Variants in AMPH observed in about 807,000 individuals in gnomAD.
AMPH encodes the protein amphiphysin, also known as amphiphysin (Stiff-Mann syndrome with breast cancer 128kD autoantigen).
Under a neutral mutation model 99.1 loss-of-function variants are expected in AMPH, and 49 were observed. The observed-to-expected ratio is 0.49, with a 90% CI of 0.39 to 0.63. The LOEUF is 0.63. Ranked by LOEUF, AMPH falls within the 20% of genes least tolerant of loss-of-function variation. The pLI, the probability that AMPH is intolerant of heterozygous loss-of-function variation, is 0.00. For missense variants in AMPH, 759 were observed against 863.4 expected, an observed-to-expected ratio of 0.88 and a Z score of 1.52; for synonymous variants, 314 against 317.3, an observed-to-expected ratio of 0.99 and a Z score of 0.11.
intron 1 of AMPH, among the ~76,000 whole-genome samples, chr7:38,628,626 T>G (rs1184301936): frequency 2.0e-5 from 3 of 152,238 alleles, no homozygotes; most frequent in Non-Finnish European, 4.4e-5. Context: ...AAACAGGTCT[T>G]CAACTATACA....
intron 2 of AMPH, chr7:38,530,918 T>C (rs1016057294): frequency 6.6e-6 from 1 of 152,190 alleles, no homozygotes; most frequent in Non-Finnish European, 1.5e-5. Context: ...TAGCATGCAT[T>C]GTCATGGAAA....
chr7:38,598,453 C>T (rs1441909962), intron 1 of AMPH, among the ~76,000 whole-genome samples: 5 of 152,128 alleles, frequency 3.3e-5, no homozygotes, highest in Non-Finnish European at 7.4e-5. Flanking sequence ...CAGGTGCCTG[C>T]TACCATGCCT....
rs189840075 is a variant in AMPH at position 38,417,152 on chromosome 7, C to T, written c.1398+673G>A. Among the ~76,000 whole-genome samples the T allele has an allele frequency of 4.6e-3, 697 of 152,312 alleles. 3 individuals are homozygous for T. The highest frequency in any genetic ancestry group is 8.5e-3 in the South Asian group (41 of 4,824). ...GTACTCTACACTTTCATGGGTATTA[C>T]AATGTCCAATTCTACTTGGTACATA... On this transcript the variant is annotated intron_variant, in intron 17 of 20. Coordinates refer to ENST00000356264, the MANE Select transcript of AMPH (RefSeq NM_001635.4).
chr7:38,605,278 A>C (rs1213299360), intron 1 of AMPH, among the ~76,000 whole-genome samples: 1 of 152,146 alleles, frequency 6.6e-6, no homozygotes, highest in Admixed American at 6.5e-5. Flanking sequence ...AGCAAGAGGA[A>C]GAAAGGGGTT....
At chr7:38,527,532 G>T (rs7812192) in intron 2 of AMPH, among the ~76,000 whole-genome samples, 93,064 of 152,008 alleles carry the variant, frequency 0.61, 29,063 homozygotes, top group African/African-American at 0.74. Context: ...TTTTAATTTT[G>T]ATTTCCACAT....
chr7:38,629,508 C>G (rs1309338185), intron 1 of AMPH, among the ~76,000 whole-genome samples: 1 of 150,468 alleles, frequency 6.6e-6, no homozygotes, highest in African/African-American at 2.4e-5. Context: ...TGAGTTTTGA[C>G]AATTCACAGG....
At chr7:38,621,788 T>C (rs916942706) in intron 1 of AMPH, among the ~76,000 whole-genome samples, 23 of 152,196 alleles carry the variant, frequency 1.5e-4, no homozygotes, top group Admixed American at 2.6e-4. Flanking sequence ...AATTGATATA[T>C]GATTATCACA....
At position 38,570,950 on chromosome 7, in the gene AMPH, TA is replaced by T. The variant is rs1393377002; in HGVS notation, c.70-35940del. On this transcript the variant is annotated intron_variant, in intron 1 of 20. Transcript: ENST00000356264. ...ATTTATATATATATATATATTTATA[TA>T]TATAGAATATATATATAGAATATAT... Among the ~76,000 whole-genome samples the T allele has an allele frequency of 1.4e-3, 147 of 105,022 alleles. 38 individuals are homozygous for T. The highest frequency in any genetic ancestry group is 5.1e-3 in the African/African-American group (140 of 27,276). 68.9% of individuals were successfully genotyped at this position (105,022 alleles called of 152,430 possible).
At chr7:38,629,307 T>C (rs1292870514) in intron 1 of AMPH, among the ~76,000 whole-genome samples, 2 of 152,182 alleles carry the variant, frequency 1.3e-5, no homozygotes, top group African/African-American at 4.8e-5. Context: ...GAAGAGCCTA[T>C]ACTCTCAGCC....
chr7:38,390,624 C>A (rs1784460091), intron 19 of AMPH, among the ~76,000 whole-genome samples: 1 of 152,140 alleles, frequency 6.6e-6, no homozygotes, highest in Non-Finnish European at 1.5e-5. Context: ...CATAGAATCA[C>A]AAGCTGTCAG....
chr7:38,561,340 G>T (rs1350118899), intron 1 of AMPH, among the ~76,000 whole-genome samples: 2 of 152,240 alleles, frequency 1.3e-5, no homozygotes, highest in East Asian at 3.8e-4. Flanking sequence ...AGGTTAGACT[G>T]CTAGCCCTGT....
chr7:38,540,085 C>T (rs1245119699), intron 1 of AMPH, among the ~76,000 whole-genome samples: 1 of 152,140 alleles, frequency 6.6e-6, no homozygotes, highest in Non-Finnish European at 1.5e-5. Flanking sequence ...AGGAGGATTA[C>T]TATGTATTTA....
intron 15 of AMPH, among the ~76,000 whole-genome samples, chr7:38,423,201 C>G (rs756094108): frequency 5.3e-5 from 8 of 152,060 alleles, no homozygotes; most frequent in Non-Finnish European, 1.2e-4. Context: ...CTTAAGTGTT[C>G]CTTCTATGGG....
intron 1 of AMPH, among the ~76,000 whole-genome samples, chr7:38,550,837 A>C (rs1313573608): frequency 6.6e-6 from 1 of 152,208 alleles, no homozygotes; most frequent in African/African-American, 2.4e-5. Context: ...TCACAATTAG[A>C]TTTGTATAAA....
intron 1 of AMPH, among the ~76,000 whole-genome samples, chr7:38,574,637 GAAT>G (rs1792165500): frequency 6.6e-6 from 1 of 152,164 alleles, no homozygotes; most frequent in Admixed American, 6.5e-5. Context: ...ATAAATAAAA[GAAT>G]AACAGGAGTG....
chr7:38,384,831 C>T lies in AMPH; in HGVS notation c.2075G>A (p.Arg692Gln), dbSNP rs764677540. 1.7e-5 allele frequency: 27 copies of T among 1,613,808 alleles called. No homozygotes were observed. In the South Asian group the frequency reaches 2.5e-4, roughly 15 times the overall value. Residue 692 changes from arginine to glutamine, a missense_variant, in exon 21 of 21, where the codon CGA (arginine) becomes CAA (glutamine). By Grantham distance (43) the Arg-to-Gln change is conservative (BLOSUM62 1). Transcript: ENST00000356264. ...GTACTTGTTGCCCTAATCTAAGCGT[C>T]GGGTGAAGTTCTCTGGAAAGAGGCC... ...YKGLFPENFTRRLD is the reference protein window; with the variant it reads ...YKGLFPENFTQRLD
intron 20 of AMPH, among the ~76,000 whole-genome samples, chr7:38,388,687 T>C (rs1007184990): frequency 2.1e-5 from 3 of 143,268 alleles, no homozygotes; most frequent in African/African-American, 5.1e-5. Flanking sequence ...TTACCCAGGC[T>C]GGAGTGCAGT....
At chr7:38,394,237 C>G (rs763758442) in intron 17 of AMPH, 23 bp from the exon 18 acceptor site, 2 of 1,612,698 alleles carry the variant, frequency 1.2e-6, no homozygotes, top group South Asian at 2.2e-5. Context: ...AACCAGCAGG[C>G]CACGTCTGCA....
chr7:38,447,817 T>C (rs987990563), intron 11 of AMPH, among the ~76,000 whole-genome samples: 4 of 152,126 alleles, frequency 2.6e-5, no homozygotes, highest in Middle Eastern at 3.4e-3. Flanking sequence ...CACAGTATTA[T>C]AGTAAGCCAG....
Sources: gnomAD v4.1 joint callset for allele counts (sites outside exome capture counted in the v4.1 genomes callset) on GRCh38, gnomAD v4.1.1 for gene constraint, MANE v1.5 for transcripts, NCBI Gene and HGNC (gene_info 2026-07-23, HGNC 2026-07-21) for gene names.